The following ALDH6A1 variants were observed in gnomAD, a reference collection of about 807,000 sequenced individuals.
ALDH6A1 encodes the protein methylmalonate-semialdehyde/malonate-semialdehyde dehydrogenase [acylating], mitochondrial.
Under a neutral mutation model 62.6 loss-of-function variants are expected in ALDH6A1, and 43 were observed. That is an observed-to-expected ratio of 0.69 (90% CI 0.54 to 0.89). The LOEUF is 0.89. ALDH6A1 is among the 40% of genes least tolerant of loss of function. ALDH6A1 has a pLI of 0.00. For missense variants in ALDH6A1, 551 were observed against 661.3 expected (o/e 0.83, Z 1.83); for synonymous variants, 194 against 234.2 (o/e 0.83, Z 1.57).
chr14:74,076,738 T>C (rs2060617612), intron 1 of ALDH6A1, among the ~76,000 whole-genome samples: 1 of 151,992 alleles, frequency 6.6e-6, no homozygotes, highest in African/African-American at 2.4e-5. Context: ...TTAGTAGAGA[T>C]GGGGTTTCAC....
chr14:74,071,596 A>G (rs910663565), intron 5 of ALDH6A1, 99 bp from the exon 6 acceptor site: 20 of 1,603,254 alleles, frequency 1.2e-5, no homozygotes, highest in Middle Eastern at 4.5e-4. Flanking sequence ...GTTCAGGCCA[A>G]TGAAGGGGTG....
chr14:74,081,997 A>C (rs1046890118), intron 1 of ALDH6A1, among the ~76,000 whole-genome samples: 13 of 152,174 alleles, frequency 8.5e-5, no homozygotes, highest in Admixed American at 2.6e-4. Flanking sequence ...GCTTGAGTTT[A>C]AGAGTTCAAG....
Position 74,067,406 on chromosome 14 carries a change from T to C in ALDH6A1, c.1016A>G (p.His339Arg), listed in dbSNP as rs2139774542. ...AKKWLPELVE[H>R]AKNLRVNAGD... ...TGCATTGACTCTCAGGTTTTTGGCA[T>C]GCTCCACCAGCTCTGGCAGCCACTT... Residue 339 changes from histidine to arginine, a missense_variant, in exon 8 of 12, where the codon CAT becomes CGT. His to Arg is a conservative substitution (Grantham distance 29). Coordinates refer to ENST00000553458, the MANE Select transcript of ALDH6A1 (RefSeq NM_005589.4). 6.2e-7 allele frequency: 1 copy of C among 1,613,776 alleles called. No homozygotes were observed. The highest frequency in any genetic ancestry group is 2.2e-5 in the East Asian group (1 of 44,884).
At chr14:74,082,859 AAG>A (rs1468451923) in intron 1 of ALDH6A1, 1 of 152,188 alleles carries the variant, frequency 6.6e-6, no homozygotes, top group East Asian at 1.9e-4. Flanking sequence ...AGTACATGGA[AAG>A]AGAGATTCTT....
intron 6 of ALDH6A1, among the ~76,000 whole-genome samples, chr14:74,070,080 A>G (rs191934391): frequency 3.3e-5 from 5 of 151,948 alleles, no homozygotes; most frequent in African/African-American, 1.2e-4. Context: ...GGCTCAAGTG[A>G]TCCGCCTGCC....
intron 1 of ALDH6A1, chr14:74,078,317 T>G (rs1456102310): frequency 8.8e-6 from 4 of 452,780 alleles, no homozygotes; most frequent in African/African-American, 8.0e-5. Flanking sequence ...ACCGAGACAG[T>G]GGTGCACGAT....
intron 6 of ALDH6A1, 104 bp from the exon 7 acceptor site, chr14:74,069,085 T>C: frequency 8.0e-7 from 1 of 1,256,160 alleles, no homozygotes. Flanking sequence ...TTTCCTGTGT[T>C]TTTCTTTTAC....
At position 74,066,812 on chromosome 14, in the gene ALDH6A1, T is replaced by C; in HGVS notation, c.1117A>G (p.Ser373Gly). The C allele has an allele frequency of 6.2e-7, 1 of 1,614,090 alleles. No homozygotes were observed. The highest frequency in any genetic ancestry group is 1.1e-5 in the South Asian group (1 of 91,084). ...AKERVCNLID[S>G]GTKEGASILL... ...ATGGAAGCTCCCTCCTTTGTTCCAC[T>C]ATCAATCAGATTACAGACTCGCTCT... Residue 373 changes from serine to glycine, a missense_variant, in exon 9 of 12, where the codon AGT becomes GGT. Physicochemically the swap from Ser to Gly is moderately conservative, Grantham distance 56. Coordinates refer to ENST00000553458, the MANE Select transcript of ALDH6A1 (RefSeq NM_005589.4).
At chr14:74,062,167 A>G (rs143143344) in intron 11 of ALDH6A1, among the ~76,000 whole-genome samples, 2,384 of 151,502 alleles carry the variant, frequency 0.016, 23 homozygotes, top group Non-Finnish European at 0.024. Context: ...ATTGCACTCC[A>G]GCCTGGGCAA....
chr14:74,067,326 G>T, intron 8 of ALDH6A1, 54 bp downstream of exon 8: 1 of 1,602,168 alleles, frequency 6.2e-7, no homozygotes, highest in South Asian at 1.1e-5. Flanking sequence ...CAGAACCCAA[G>T]AGCTTAATGC....
chr14:74,066,613 T>G, intron 9 of ALDH6A1, 92 bp downstream of exon 9: 2 of 1,253,936 alleles, frequency 1.6e-6, no homozygotes, highest in African/African-American at 3.0e-5. Flanking sequence ...GTCTTAGTCA[T>G]TAAGTATTTT....
chr14:74,082,374 C>G (rs1227167004), intron 1 of ALDH6A1, among the ~76,000 whole-genome samples: 1 of 144,162 alleles, frequency 6.9e-6, no homozygotes, highest in Non-Finnish European at 1.5e-5. Flanking sequence ...CTCTAATATT[C>G]ATGGCTGCCA....
intron 8 of ALDH6A1, 141 bp from the exon 9 acceptor site, chr14:74,067,027 G>T: frequency 1.2e-6 from 1 of 817,038 alleles, no homozygotes; most frequent in Non-Finnish European, 2.0e-6. Flanking sequence ...ACCAGCCTGG[G>T]CAACAAAGTG....
At position 74,057,367 on chromosome 14, in the gene ALDH6A1, T is replaced by C. The variant is rs1386203116; in HGVS notation, c.*3275A>G. On this transcript the variant is annotated 3_prime_UTR_variant, in exon 12 of 12. Coordinates refer to ENST00000553458, the MANE Select transcript of ALDH6A1 (RefSeq NM_005589.4). ...TCTACTAGTTGAGAGACTTCAGGGA[T>C]CAGTGGAATGAGTAATAAATAGCAT... is the stretch of plus-strand genomic sequence containing the variant. 6.4e-7 allele frequency: 1 copy of C among 1,568,598 alleles called. No homozygotes were observed. The highest frequency in any genetic ancestry group is 8.6e-7 in the Non-Finnish European group (1 of 1,156,614).
Position 74,056,861 on chromosome 14 carries a change from G to A in ALDH6A1, c.*3781C>T, listed in dbSNP as rs754184495. The A allele has an allele frequency of 1.5e-6, 2 of 1,293,398 alleles. No homozygotes were observed. The highest frequency in any genetic ancestry group is 2.2e-6 in the Non-Finnish European group (2 of 898,052). 80.1% of individuals were successfully genotyped at this position (1,293,398 alleles called of 1,614,324 possible). A position where few individuals can be genotyped will look rare whatever the true frequency, so the allele number is the denominator to read the frequency against. On this transcript the variant is annotated 3_prime_UTR_variant, in exon 12 of 12. Transcript: ENST00000553458. ...AAAAGAAAATATGAAGGCATGAGGA[G>A]ACACTGCCTCATTCATTATCTTTGT...
intron 2 of ALDH6A1, among the ~76,000 whole-genome samples, chr14:74,074,288 ATTT>A (rs35478388): frequency 7.7e-6 from 1 of 130,200 alleles, no homozygotes; most frequent in Non-Finnish European, 1.6e-5. Context: ...CTTTCACTAA[ATTT>A]TTTTTTTTTT....
At chr14:74,064,255 G>A (rs993668259) in intron 11 of ALDH6A1, among the ~76,000 whole-genome samples, 8 of 149,286 alleles carry the variant, frequency 5.4e-5, no homozygotes, top group Non-Finnish European at 1.2e-4. Context: ...CTAAGACCAT[G>A]CCACAGCACT....
chr14:74,083,112 T>A (rs1247094205), intron 1 of ALDH6A1, among the ~76,000 whole-genome samples: 2 of 152,172 alleles, frequency 1.3e-5, no homozygotes, highest in Non-Finnish European at 2.9e-5. Flanking sequence ...TTCAAACTCA[T>A]CCTTTCTACC....
chr14:74,079,759 C>T (rs932283754), intron 1 of ALDH6A1, among the ~76,000 whole-genome samples: 3 of 152,062 alleles, frequency 2.0e-5, no homozygotes, highest in African/African-American at 4.8e-5. Context: ...AGTGGAGATG[C>T]GGTTTTGTCA....
Sources: allele counts gnomAD v4.1 joint callset (sites outside exome capture counted in the v4.1 genomes callset), GRCh38; gene constraint gnomAD v4.1.1; transcripts MANE v1.5; gene names NCBI Gene and HGNC (gene_info 2026-07-23, HGNC 2026-07-21).